VPS50: variants seen among roughly 807,000 people sequenced by gnomAD.
The protein encoded by VPS50 is VPS50 subunit of EARP/GARPII complex, also known as syndetin.
In VPS50, 70 loss-of-function variants were observed where a neutral mutation model predicts 139.7. The ratio of observed to expected loss-of-function variants is 0.50; its 90% confidence interval spans 0.41 to 0.61. VPS50 has a LOEUF of 0.61. Among genes scored for constraint, VPS50 ranks in the 20% least tolerant of loss-of-function variants. VPS50 has a pLI of 0.00. For missense variants in VPS50, 921 were observed against 1,133.7 expected (o/e 0.81, Z 2.69); for synonymous variants, 365 against 376.7 (o/e 0.97, Z 0.36).
At chr7:93,292,254 A>G (rs117187222) in intron 13 of VPS50, among the ~76,000 whole-genome samples, 1,597 of 152,242 alleles carry the variant, frequency 0.01, 12 homozygotes, top group Non-Finnish European at 0.017. Context: ...AATTAATTAT[A>G]TTGATACTTT....
At chr7:93,249,587 A>G (rs989001448) in intron 2 of VPS50, among the ~76,000 whole-genome samples, 1 of 152,150 alleles carries the variant, frequency 6.6e-6, no homozygotes, top group Non-Finnish European at 1.5e-5. Context: ...AAAAAATCGT[A>G]GCAGTTTTTG....
intron 24 of VPS50, among the ~76,000 whole-genome samples, chr7:93,349,576 G>C (rs1017033191): frequency 6.6e-6 from 1 of 152,224 alleles, no homozygotes; most frequent in South Asian, 2.1e-4. Context: ...TAGTGGGAGT[G>C]GAAATGGAGA....
intron 12 of VPS50, among the ~76,000 whole-genome samples, chr7:93,282,677 T>A (rs1796364484): frequency 6.6e-6 from 1 of 152,192 alleles, no homozygotes; most frequent in Non-Finnish European, 1.5e-5. Context: ...ATGTTTGGGA[T>A]GGTAAGGAGG....
intron 22 of VPS50, among the ~76,000 whole-genome samples, chr7:93,334,918 A>T (rs1361791472): frequency 6.6e-6 from 1 of 152,182 alleles, no homozygotes. Context: ...CTTTAACCCC[A>T]GGCTTCTCTG....
At chr7:93,350,075 T>A (rs372323622) in intron 25 of VPS50, 42 bp downstream of exon 25, 53 of 1,437,354 alleles carry the variant, frequency 3.7e-5, no homozygotes, top group Non-Finnish European at 4.4e-5. Flanking sequence ...ATCAATCTAC[T>A]AAGAGAAGTG....
In VPS50 at chr7:93,308,998, T is replaced by C. The variant is rs185170382; in HGVS notation, c.1748+56T>C. ...CATTTTATCTTGTGCTCTTAACATATAGGATTTCCTTTAAGGTTAAGAAGA... is the reference window on the plus strand; with the variant it reads ...CATTTTATCTTGTGCTCTTAACATACAGGATTTCCTTTAAGGTTAAGAAGA... On this transcript the variant is annotated intron_variant, in intron 19 of 27. Transcript: ENST00000305866. 6.8e-5 allele frequency: 62 copies of C among 905,152 alleles called. 1 individual carries two copies. The African/African-American group carries it at 9.6e-4, about 14-fold the overall frequency. 56.1% of individuals were successfully genotyped at this position (905,152 alleles called of 1,614,324 possible). A position where few individuals can be genotyped will look rare whatever the true frequency, so the allele number is the denominator to read the frequency against.
chr7:93,308,111 CATT>C (rs1419579468), intron 18 of VPS50, among the ~76,000 whole-genome samples: 1 of 138,046 alleles, frequency 7.2e-6, no homozygotes, highest in Non-Finnish European at 1.5e-5. Flanking sequence ...TAATCTATGA[CATT>C]AATAGATGAT....
chr7:93,352,492 T>G (rs905406835), intron 25 of VPS50, among the ~76,000 whole-genome samples: 1 of 152,162 alleles, frequency 6.6e-6, no homozygotes, highest in African/African-American at 2.4e-5. Context: ...GTGATCAGAT[T>G]AGATTTTTTC....
chr7:93,268,491 CCT>C (rs1038935960), intron 9 of VPS50, among the ~76,000 whole-genome samples: 1 of 152,070 alleles, frequency 6.6e-6, no homozygotes, highest in African/African-American at 2.4e-5. Context: ...CCACCCATCC[CCT>C]GATAGGCCCC....
At chr7:93,306,049 A>G in intron 18 of VPS50, 45 bp downstream of exon 18, 1 of 1,416,786 alleles carries the variant, frequency 7.1e-7, no homozygotes, top group Non-Finnish European at 9.9e-7. Context: ...TTTATTTAAA[A>G]CTGTTCTACT....
chr7:93,344,891 T>G (rs1276958107), intron 23 of VPS50, among the ~76,000 whole-genome samples: 1 of 151,798 alleles, frequency 6.6e-6, no homozygotes, highest in Non-Finnish European at 1.5e-5. Flanking sequence ...GATCCAAAAT[T>G]GACACCCTAA....
intron 12 of VPS50, among the ~76,000 whole-genome samples, chr7:93,278,832 T>C (rs551709333): frequency 1.3e-5 from 2 of 151,980 alleles, no homozygotes; most frequent in East Asian, 3.9e-4. Context: ...TATATGTATA[T>C]CTATAAGGAA....
At chr7:93,273,816 G>A (rs1796077893) in intron 11 of VPS50, among the ~76,000 whole-genome samples, 1 of 152,094 alleles carries the variant, frequency 6.6e-6, no homozygotes, top group South Asian at 2.1e-4. Context: ...CCTGCATCAA[G>A]CAAGTCTGTC....
At position 93,359,905 on chromosome 7, in the gene VPS50, G is replaced by A. The variant is rs1367226691; in HGVS notation, c.*1469G>A. 1 of 152,114 alleles carries A rather than the reference G, an allele frequency of 6.6e-6. No individual in the cohort carries two copies. The highest frequency in any genetic ancestry group is 1.5e-5 in the Non-Finnish European group (1 of 68,020). 9.4% of individuals were successfully genotyped at this position (152,114 alleles called of 1,614,324 possible). ...TTTCTTTTCATCCTCTCATGTCGGA[G>A]TTCATTTACTGTCAATTTAAAACTT... On this transcript the variant is annotated 3_prime_UTR_variant, in exon 28 of 28. Coordinates refer to ENST00000305866, the MANE Select transcript of VPS50 (RefSeq NM_017667.4).
intron 21 of VPS50, among the ~76,000 whole-genome samples, chr7:93,332,415 G>T (rs1797965274): frequency 6.6e-6 from 1 of 152,116 alleles, no homozygotes; most frequent in Non-Finnish European, 1.5e-5. Context: ...ACCTCCAAAT[G>T]CTATCACATT....
At chr7:93,309,245 T>A (rs1307184133) in intron 19 of VPS50, among the ~76,000 whole-genome samples, 1 of 151,928 alleles carries the variant, frequency 6.6e-6, no homozygotes, top group East Asian at 1.9e-4. Flanking sequence ...TGTTAATGTG[T>A]CAAAAAAGAA....
Position 93,276,200 on chromosome 7 carries a change from A to G in VPS50, c.837A>G (p.Gln279=). ...ATCAACTTCATATGCACTTCACCCA[A>G]GCCATTCACAACACCGTGTTTCAAG... The part of the protein sequence containing the change: ...AMDQLHMHFT[Q]AIHNTVFQVV... The change falls in exon 12 of 28, where the codon CAA becomes CAG. Residue 279 remains glutamine (Q), a synonymous_variant. Coordinates refer to ENST00000305866, the MANE Select transcript of VPS50 (RefSeq NM_017667.4). The G allele has an allele frequency of 6.2e-7, 1 of 1,613,464 alleles. No individual in the cohort carries two copies. Among genetic ancestry groups the G allele is most frequent in the Non-Finnish European group, 8.5e-7 (1 of 1,179,626 alleles).
At chr7:93,345,071 T>TA (rs1309900646) in intron 23 of VPS50, among the ~76,000 whole-genome samples, 1 of 152,046 alleles carries the variant, frequency 6.6e-6, no homozygotes, top group Non-Finnish European at 1.5e-5. Context: ...ACAAAATTGA[T>TA]AGACTGCTAG....
At chr7:93,348,229 T>C (rs1317779503) in intron 23 of VPS50, among the ~76,000 whole-genome samples, 2 of 152,202 alleles carry the variant, frequency 1.3e-5, no homozygotes, top group East Asian at 3.9e-4. Context: ...CTCTGGCACC[T>C]GTCATTCATC....
Sources: gnomAD v4.1 joint callset for allele counts (sites outside exome capture counted in the v4.1 genomes callset) on GRCh38, gnomAD v4.1.1 for gene constraint, MANE v1.5 for transcripts, NCBI Gene and HGNC (gene_info 2026-07-23, HGNC 2026-07-21) for gene names.